The following CASK variants were observed in gnomAD, a reference collection of about 807,000 sequenced individuals.
CASK encodes peripheral plasma membrane protein CASK.
CASK carries 4 observed loss-of-function variants against 82.9 expected under a neutral mutation model. That is an observed-to-expected ratio of 0.05 (90% CI 0.02 to 0.11). The LOEUF (loss-of-function observed/expected upper bound fraction) is 0.11. CASK is among the 10% of genes least tolerant of loss of function. CASK has a pLI of 1.00. For missense variants in CASK, 358 were observed against 720.9 expected, an observed-to-expected ratio of 0.50 and a Z score of 5.76; for synonymous variants, 259 against 253.5, an observed-to-expected ratio of 1.02 and a Z score of -0.20.
chrX:41,775,959 G>A (rs1186010666), intron 3 of CASK, among the ~76,000 whole-genome samples: 4 of 106,049 alleles, frequency 3.8e-5, no homozygotes, highest in African/African-American at 6.8e-5. Flanking sequence ...TGGGTGCAGC[G>A]CACCAGCATG....
At chrX:41,789,147 G>GT (rs918662914) in intron 2 of CASK, among the ~76,000 whole-genome samples, 3 of 111,457 alleles carry the variant, frequency 2.7e-5, no homozygotes, top group African/African-American at 6.5e-5. Context: ...TTACTTGTTT[G>GT]TTTTTTTAAA....
At chrX:41,754,819 A>C (rs943072354) in intron 3 of CASK, among the ~76,000 whole-genome samples, 5 of 111,252 alleles carry the variant, frequency 4.5e-5, no homozygotes, top group African/African-American at 9.8e-5. Context: ...CAAGAAACTG[A>C]ATCAGTAATT....
At chrX:41,911,492 T>C (rs963065879) in intron 1 of CASK, among the ~76,000 whole-genome samples, 2 of 112,251 alleles carry the variant, frequency 1.8e-5, no homozygotes, top group African/African-American at 6.5e-5. Flanking sequence ...CAGTGCCCAG[T>C]AGTGTCAGAG....
chrX:41,620,025 A>T (rs1159864544), intron 11 of CASK, among the ~76,000 whole-genome samples: 1 of 112,942 alleles, frequency 8.9e-6, no homozygotes, highest in Non-Finnish European at 1.9e-5. Flanking sequence ...TAAAATTTAC[A>T]TAGAATGAAA....
At chrX:41,876,667 C>G (rs1392991893) in intron 1 of CASK, among the ~76,000 whole-genome samples, 1 of 111,687 alleles carries the variant, frequency 9.0e-6, no homozygotes. Context: ...GAAAGCATCT[C>G]TCTTTATAAT....
chrX:41,875,639 G>A (rs933415718), intron 1 of CASK, among the ~76,000 whole-genome samples: 1 of 110,623 alleles, frequency 9.0e-6, no homozygotes, highest in African/African-American at 3.3e-5. Flanking sequence ...TCAGGGAGGT[G>A]TAACAATGCT....
At position 41,552,834 on chromosome X, in the gene CASK, T is replaced by A. The variant is rs1201270402; in HGVS notation, c.2039+885A>T. ...ATTAACTGAGAAATCTCTTAACTAG[T>A]GAGAAAAATAGATAAAAGCAGGTAG... On this transcript the variant is annotated intron_variant, in intron 21 of 26. Transcript: ENST00000378163. 11 of 111,916 alleles carry A rather than the reference T, an allele frequency of 9.8e-5. No individual in the cohort carries two copies. The East Asian group carries it at 2.8e-3, about 28-fold the overall frequency. 9.2% of individuals were successfully genotyped at this position (111,916 alleles called of 1,213,427 possible).
At position 41,769,049 on chromosome X, in the gene CASK, T is replaced by C. The variant is rs766838969; in HGVS notation, c.278+18129A>G. On this transcript the variant is annotated intron_variant, in intron 3 of 26. Transcript: ENST00000378163. ...GTGAATATAAATTGGTAAATCTTTATGGAGAGTAATATGAAAACTACGTTA... is the reference window on the plus strand; with the variant it reads ...GTGAATATAAATTGGTAAATCTTTACGGAGAGTAATATGAAAACTACGTTA... 1.9e-3 allele frequency among the ~76,000 whole-genome samples: 211 copies of C among 111,344 alleles called. 1 individual carries two copies. Among genetic ancestry groups the C allele is most frequent in the African/African-American group, 6.6e-3 (202 of 30,756 alleles).
intron 2 of CASK, among the ~76,000 whole-genome samples, chrX:41,815,460 A>C (rs1001324250): frequency 6.2e-5 from 7 of 112,358 alleles, no homozygotes; most frequent in Non-Finnish European, 1.9e-5. Context: ...ATTTAAAAGA[A>C]AGCATGGACA....
chrX:41,741,831 C>A (rs1210518390), intron 4 of CASK, among the ~76,000 whole-genome samples: 3 of 112,010 alleles, frequency 2.7e-5, no homozygotes, highest in Non-Finnish European at 5.6e-5. Context: ...AACTTTTAAT[C>A]AAAAAACTTC....
intron 2 of CASK, among the ~76,000 whole-genome samples, chrX:41,840,155 C>G (rs1156686113): frequency 4.5e-5 from 5 of 112,036 alleles, no homozygotes; most frequent in African/African-American, 1.6e-4. Flanking sequence ...TGCACTGAAT[C>G]TACAGATCAA....
At chrX:41,580,783 C>CT (rs778411698) in intron 14 of CASK, among the ~76,000 whole-genome samples, 2 of 112,046 alleles carry the variant, frequency 1.8e-5, no homozygotes, top group Admixed American at 1.9e-4. Flanking sequence ...GAACATTTTT[C>CT]TTCAAATATG....
At chrX:41,824,660 G>C (rs750788685) in intron 2 of CASK, among the ~76,000 whole-genome samples, 3 of 111,753 alleles carry the variant, frequency 2.7e-5, no homozygotes, top group Non-Finnish European at 3.8e-5. Context: ...CAGTGAGCTT[G>C]CTGCATGTTC....
At chrX:41,770,864 T>C (rs545165489) in intron 3 of CASK, among the ~76,000 whole-genome samples, 7 of 108,658 alleles carry the variant, frequency 6.4e-5, no homozygotes, top group African/African-American at 2.3e-4. Flanking sequence ...AAAAAAAACA[T>C]GCAAAATACA....
chrX:41,748,040 A>G (rs1022389463), intron 3 of CASK, among the ~76,000 whole-genome samples: 2 of 112,178 alleles, frequency 1.8e-5, no homozygotes, highest in South Asian at 7.4e-4. Flanking sequence ...AAAACATCTC[A>G]TAGCGAAGGA....
intron 9 of CASK, among the ~76,000 whole-genome samples, chrX:41,632,265 G>C (rs139368277): frequency 0.014 from 1,526 of 111,825 alleles, 26 homozygotes; most frequent in African/African-American, 0.046. Flanking sequence ...TGTAAATGCT[G>C]GGTTTCATTA....
chrX:41,830,555 T>G (rs1414342176), intron 2 of CASK, among the ~76,000 whole-genome samples: 1 of 110,938 alleles, frequency 9.0e-6, no homozygotes, highest in Non-Finnish European at 1.9e-5. Flanking sequence ...GTGCGGTGGC[T>G]CACGCCTGTA....
At chrX:41,521,632 A>C (rs2064638409) in intron 26 of CASK, among the ~76,000 whole-genome samples, 1 of 111,826 alleles carries the variant, frequency 8.9e-6, no homozygotes, top group South Asian at 3.7e-4. Context: ...ATATCTTCGC[A>C]AGTCATATTT....
intron 1 of CASK, among the ~76,000 whole-genome samples, chrX:41,867,850 T>C (rs1316869792): frequency 2.7e-5 from 3 of 112,502 alleles, no homozygotes; most frequent in Non-Finnish European, 5.6e-5. Context: ...TTTGTTGGTT[T>C]GGATGTTTTA....
Sources: gnomAD v4.1 joint callset for allele counts (sites outside exome capture counted in the v4.1 genomes callset) on GRCh38, gnomAD v4.1.1 for gene constraint, MANE v1.5 for transcripts, NCBI Gene and HGNC (gene_info 2026-07-23, HGNC 2026-07-21) for gene names.